Variants in COX15 observed in about 807,000 individuals in gnomAD.
The protein encoded by COX15 is heme A synthase COX15.
Under a neutral mutation model 51.9 loss-of-function variants are expected in COX15, and 51 were observed. The observed-to-expected ratio is 0.98, with a 90% CI of 0.78 to 1.24. The LOEUF (loss-of-function observed/expected upper bound fraction) is 1.24, where lower values mean the gene tolerates loss of function less well. Ranked by LOEUF, COX15 falls within the 50% of genes most tolerant of loss-of-function variation. COX15 has a pLI of 0.00. For synonymous variants in COX15, 188 were observed against 190.5 expected, an observed-to-expected ratio of 0.99 and a Z score of 0.11; for missense variants, 420 against 501.1, an observed-to-expected ratio of 0.84 and a Z score of 1.55.
the COX15 span, among the ~76,000 whole-genome samples, chr10:99,694,739 G>T: frequency 6.6e-6 from 1 of 152,058 alleles, no homozygotes; most frequent in African/African-American, 2.4e-5. Context: ...GTTTCACCAT[G>T]TTGGCCAGGC....
chr10:99,729,397 T>C (rs1590106640), intron 2 of COX15, among the ~76,000 whole-genome samples, 156 bp downstream of exon 2: 1 of 147,880 alleles, frequency 6.8e-6, no homozygotes, highest in African/African-American at 2.5e-5. Flanking sequence ...GAGACGGAGG[T>C]TGCAGTCAGC....
chr10:99,718,955 C>A (rs1248440654), intron 6 of COX15, among the ~76,000 whole-genome samples: 1 of 152,176 alleles, frequency 6.6e-6, no homozygotes, highest in Non-Finnish European at 1.5e-5. Flanking sequence ...TGATCCTAGC[C>A]CACTTTCTGT....
chr10:99,705,243 A>C, the COX15 span: 1 of 159,248 alleles, frequency 6.3e-6, no homozygotes, highest in Non-Finnish European at 1.4e-5. Flanking sequence ...TCCTTGACAA[A>C]GAAGCCATCA....
chr10:99,698,984 T>C, the COX15 span: 1 of 841,276 alleles, frequency 1.2e-6, no homozygotes, highest in Non-Finnish European at 1.8e-6. Context: ...CAGGAGCCCT[T>C]TGAACACTCA....
the COX15 span, chr10:99,702,399 C>T: frequency 2.1e-5 from 18 of 851,468 alleles, no homozygotes; most frequent in African/African-American, 6.9e-5. Context: ...GAAGGTGAAG[C>T]GGGAGGAGGT....
At position 99,713,517 on chromosome 10, in the gene COX15, C is replaced by T; in HGVS notation, c.*1070G>A. ...AATAGAGACCAAAATCACATTAATT[C>T]AGCAGTCAACAATTTGTTTATCTGG... On this transcript the variant is annotated 3_prime_UTR_variant, in exon 9 of 9. Transcript: ENST00000016171. 2 of 1,590,700 alleles carry T rather than the reference C, an allele frequency of 1.3e-6. No individual in the cohort carries two copies. Among genetic ancestry groups the T allele is most frequent in the Non-Finnish European group, 1.7e-6 (2 of 1,167,382 alleles).
intron 2 of COX15, among the ~76,000 whole-genome samples, chr10:99,728,890 A>G (rs2037045681): frequency 6.6e-6 from 1 of 152,250 alleles, no homozygotes; most frequent in African/African-American, 2.4e-5. Flanking sequence ...CAAACCTAAG[A>G]AACATGAACC....
At chr10:99,709,335 T>C, downstream of COX15, 1 of 985,402 alleles carries the variant, frequency 1.0e-6, no homozygotes, top group Non-Finnish European at 1.2e-6. Flanking sequence ...TGTGGTGTAA[T>C]GTTGATTGGG....
At chr10:99,728,192 A>C (rs1256139249) in intron 2 of COX15, among the ~76,000 whole-genome samples, 1 of 152,226 alleles carries the variant, frequency 6.6e-6, no homozygotes, top group Non-Finnish European at 1.5e-5. Context: ...CATACTAGAA[A>C]GTAAGGAAAC....
chr10:99,718,959 T>G (rs1411677032), intron 6 of COX15, among the ~76,000 whole-genome samples: 1 of 152,192 alleles, frequency 6.6e-6, no homozygotes, highest in Non-Finnish European at 1.5e-5. Context: ...CCTAGCCCAC[T>G]TTCTGTCTCC....
At chr10:99,720,654 G>A (rs2036732881) in intron 6 of COX15, among the ~76,000 whole-genome samples, 1 of 152,192 alleles carries the variant, frequency 6.6e-6, no homozygotes, top group African/African-American at 2.4e-5. Flanking sequence ...CAGTCATACT[G>A]TTGTCGTAAT....
At chr10:99,696,089 AC>A in the COX15 span, 2 of 1,613,936 alleles carry the variant, frequency 1.2e-6, no homozygotes. Context: ...CGCTACGAAG[AC>A]CTTGTTCTGA....
chr10:99,701,114 A>T, the COX15 span: 7 of 1,343,600 alleles, frequency 5.2e-6, no homozygotes, highest in Non-Finnish European at 7.5e-6. Flanking sequence ...ATGGCAGATT[A>T]TAATGGAGAG....
chr10:99,720,174 G>A (rs1367862645), intron 6 of COX15, among the ~76,000 whole-genome samples: 1 of 152,208 alleles, frequency 6.6e-6, no homozygotes, highest in African/African-American at 2.4e-5. Flanking sequence ...GCCAGGCATG[G>A]TAGCTCATGC....
the COX15 span, among the ~76,000 whole-genome samples, chr10:99,702,039 A>T: frequency 6.6e-6 from 1 of 151,690 alleles, no homozygotes; most frequent in Admixed American, 6.6e-5. Flanking sequence ...ACAGAGTGAG[A>T]CTCTGTCTCA....
In COX15 at chr10:99,713,226, G is replaced by T; in HGVS notation, c.*1361C>A. The T allele has an allele frequency of 1.4e-6, 2 of 1,399,958 alleles. No individual in the cohort carries two copies. The highest frequency in any genetic ancestry group is 2.9e-5 in the South Asian group (2 of 69,020). 86.7% of individuals were successfully genotyped at this position (1,399,958 alleles called of 1,614,324 possible). A position where few individuals can be genotyped will look rare whatever the true frequency, so the allele number is the denominator to read the frequency against. On this transcript the variant is annotated 3_prime_UTR_variant, in exon 9 of 9. Coordinates refer to ENST00000016171, the MANE Select transcript of COX15 (RefSeq NM_078470.6). ...TGAACCTGAGGACAACTAAAATCCC[G>T]TCTTTTTTATATGAAATGATATAAG...
chr10:99,704,548 G>T, the COX15 span: 1 of 1,614,048 alleles, frequency 6.2e-7, no homozygotes, highest in African/African-American at 1.3e-5. Flanking sequence ...GTATCCTGGT[G>T]GTGCTACTGG....
intron 2 of COX15, among the ~76,000 whole-genome samples, chr10:99,729,239 A>G (rs531234853): frequency 7.2e-5 from 11 of 152,166 alleles, no homozygotes; most frequent in Admixed American, 2.0e-4. Flanking sequence ...AGGTGGGCAG[A>G]TCACCTGAGG....
the COX15 span, chr10:99,700,834 A>G: frequency 2.7e-6 from 2 of 734,978 alleles, no homozygotes; most frequent in Non-Finnish European, 4.9e-6. Flanking sequence ...GTGTTTAGTG[A>G]ATGAACACAC....
Sources: gnomAD v4.1 joint callset for allele counts (sites outside exome capture counted in the v4.1 genomes callset) on GRCh38, gnomAD v4.1.1 for gene constraint, MANE v1.5 for transcripts, NCBI Gene and HGNC (gene_info 2026-07-23, HGNC 2026-07-21) for gene names.